The following FBXL7 variants were observed in gnomAD, a reference collection of about 807,000 sequenced individuals.
FBXL7 encodes F-box/LRR-repeat protein 7.
A neutral mutation model predicts 38.3 loss-of-function variants in FBXL7; 12 were observed. The ratio of observed to expected loss-of-function variants is 0.31; its 90% CI spans 0.20 to 0.51. The LOEUF (loss-of-function observed/expected upper bound fraction) is 0.51, where lower values mean the gene tolerates loss of function less well. FBXL7 is among the 20% of genes least tolerant of loss of function. FBXL7 has a pLI of 0.98. For missense variants in FBXL7, 567 were observed against 676.4 expected, an observed-to-expected ratio of 0.84 and a Z score of 1.79; for synonymous variants, 297 against 300.9, an observed-to-expected ratio of 0.99 and a Z score of 0.13.
At chr5:15,828,816 G>T (rs540879559) in intron 2 of FBXL7, among the ~76,000 whole-genome samples, 14 of 152,330 alleles carry the variant, frequency 9.2e-5, no homozygotes, top group African/African-American at 3.4e-4. Context: ...AATATGGCCA[G>T]TCTGGATATA....
intron 2 of FBXL7, among the ~76,000 whole-genome samples, chr5:15,770,956 A>T (rs1243297019): frequency 6.6e-6 from 1 of 152,198 alleles, no homozygotes; most frequent in East Asian, 1.9e-4. Flanking sequence ...TCAAGACAAG[A>T]TTCCAGTCTT....
At chr5:15,525,388 A>G (rs1418299359) in intron 1 of FBXL7, among the ~76,000 whole-genome samples, 1 of 152,090 alleles carries the variant, frequency 6.6e-6, no homozygotes, top group Non-Finnish European at 1.5e-5. Flanking sequence ...ATCCCTAACA[A>G]TGGTTTCGTT....
At chr5:15,639,510 C>T (rs1741290045) in intron 2 of FBXL7, among the ~76,000 whole-genome samples, 1 of 152,052 alleles carries the variant, frequency 6.6e-6, no homozygotes, top group Non-Finnish European at 1.5e-5. Flanking sequence ...ACTTGCTCCT[C>T]CTTGCCTTCT....
chr5:15,558,122 C>T (rs1010000877), intron 1 of FBXL7, among the ~76,000 whole-genome samples: 1 of 152,038 alleles, frequency 6.6e-6, no homozygotes, highest in South Asian at 2.1e-4. Context: ...GGATTCTACA[C>T]ATAAAAATGG....
chr5:15,661,888 A>T (rs1742089796), intron 2 of FBXL7, among the ~76,000 whole-genome samples: 1 of 152,214 alleles, frequency 6.6e-6, no homozygotes, highest in African/African-American at 2.4e-5. Flanking sequence ...GCTGCATAAT[A>T]TTCCATGGTG....
intron 1 of FBXL7, among the ~76,000 whole-genome samples, chr5:15,600,635 G>A (rs1203482542): frequency 5.9e-5 from 9 of 152,090 alleles, no homozygotes; most frequent in South Asian, 2.1e-4. Flanking sequence ...GAAACATAGC[G>A]GGATCTTAAA....
chr5:15,532,405 C>T (rs188699070), intron 1 of FBXL7, among the ~76,000 whole-genome samples: 9 of 152,344 alleles, frequency 5.9e-5, no homozygotes, highest in Admixed American at 3.3e-4. Flanking sequence ...TCAACCGCAT[C>T]TGTTATTCTG....
intron 2 of FBXL7, among the ~76,000 whole-genome samples, chr5:15,691,406 G>A (rs529425948): frequency 2.6e-5 from 4 of 152,256 alleles, no homozygotes; most frequent in East Asian, 3.9e-4. Context: ...TGCCCATTCC[G>A]GTTGCTCTTC....
chr5:15,716,030 A>G (rs777348348), intron 2 of FBXL7, among the ~76,000 whole-genome samples: 36 of 152,192 alleles, frequency 2.4e-4, no homozygotes, highest in Non-Finnish European at 4.9e-4. Context: ...ACCCTACTGT[A>G]TTTTCATAAA....
chr5:15,547,834 A>G (rs1264989123), intron 1 of FBXL7, among the ~76,000 whole-genome samples: 4 of 152,192 alleles, frequency 2.6e-5, no homozygotes, highest in Non-Finnish European at 5.9e-5. Flanking sequence ...CTACTAGTAA[A>G]GAAGGGGATA....
At chr5:15,774,043 A>C (rs866890812) in intron 2 of FBXL7, among the ~76,000 whole-genome samples, 19 of 151,800 alleles carry the variant, frequency 1.3e-4, no homozygotes, top group African/African-American at 2.4e-4. Context: ...ACAAAAAAAA[A>C]CCCCACAAGC....
chr5:15,517,324 T>C (rs1261747981), intron 1 of FBXL7, among the ~76,000 whole-genome samples: 2 of 152,188 alleles, frequency 1.3e-5, no homozygotes. Flanking sequence ...TAGAAACTAA[T>C]AAAGTACTGG....
At chr5:15,647,661 A>G (rs770925220) in intron 2 of FBXL7, among the ~76,000 whole-genome samples, 1 of 152,230 alleles carries the variant, frequency 6.6e-6, no homozygotes, top group Non-Finnish European at 1.5e-5. Flanking sequence ...CAGAAAGAAG[A>G]ACACTTTTTA....
intron 2 of FBXL7, among the ~76,000 whole-genome samples, chr5:15,827,372 G>A (rs917255445): frequency 1.2e-4 from 19 of 152,076 alleles, no homozygotes; most frequent in Non-Finnish European, 2.1e-4. Flanking sequence ...GGGGTCATTG[G>A]AGCTCAATTG....
chr5:15,563,695 C>G (rs550739751), intron 1 of FBXL7, among the ~76,000 whole-genome samples: 1 of 151,930 alleles, frequency 6.6e-6, no homozygotes, highest in African/African-American at 2.4e-5. Context: ...TGAACTTGCC[C>G]CTTTGAAAGT....
intron 2 of FBXL7, among the ~76,000 whole-genome samples, chr5:15,717,561 TAAGA>T (rs1306621393): frequency 6.6e-6 from 1 of 152,202 alleles, no homozygotes. Context: ...ATTTGAATAA[TAAGA>T]AACTGCACAA....
chr5:15,742,350 T>C (rs982175931), intron 2 of FBXL7, among the ~76,000 whole-genome samples: 16 of 152,206 alleles, frequency 1.1e-4, no homozygotes, highest in Admixed American at 4.6e-4. Flanking sequence ...CTTAAGCCAA[T>C]TAATTAGGGA....
In FBXL7 at chr5:15,555,784, G is replaced by GAGATAGATAGATAGAT. The variant is rs70938016; in HGVS notation, c.37+55094_37+55109dup. On this transcript the variant is annotated intron_variant, in intron 1 of 3. Transcript: ENST00000504595. ...GATTGGTTAGTGGAGAAGGGTAGAT[G>GAGATAGATAGATAGAT]AGATAGATAGATAGATAGATAGATA... is the stretch of plus-strand genomic sequence containing the variant. Among the ~76,000 whole-genome samples the GAGATAGATAGATAGAT allele has an allele frequency of 5.2e-3, 732 of 139,782 alleles. 5 individuals carry two copies. Among genetic ancestry groups the GAGATAGATAGATAGAT allele is most frequent in the East Asian group, 0.016 (72 of 4,606 alleles). 91.7% of individuals were successfully genotyped at this position (139,782 alleles called of 152,430 possible).
intron 2 of FBXL7, among the ~76,000 whole-genome samples, chr5:15,677,479 A>AGAGC (rs1041459644): frequency 2.6e-5 from 4 of 151,184 alleles, no homozygotes; most frequent in African/African-American, 9.8e-5. Flanking sequence ...AAAGAAAGAG[A>AGAGC]GAGAGAGAGA....
Sources: gnomAD v4.1 joint callset for allele counts (sites outside exome capture counted in the v4.1 genomes callset) on GRCh38, gnomAD v4.1.1 for gene constraint, MANE v1.5 for transcripts, NCBI Gene and HGNC (gene_info 2026-07-23, HGNC 2026-07-21) for gene names.